MACF1: variants seen among roughly 807,000 people sequenced by gnomAD.
MACF1 encodes microtubule actin crosslinking factor 1, also known as microtubule-actin cross-linking factor 1.
In MACF1, 193 loss-of-function variants were observed where a neutral mutation model predicts 854.8. That is an observed-to-expected ratio of 0.23 (90% CI 0.20 to 0.25). The LOEUF is 0.25. Ranked by LOEUF, MACF1 falls within the 10% of genes least tolerant of loss-of-function variation. The pLI is 1.00. For missense variants in MACF1, 7,722 were observed against 8,929.1 expected, an observed-to-expected ratio of 0.86 and a Z score of 5.45; for synonymous variants, 3,185 against 3,226.7, an observed-to-expected ratio of 0.99 and a Z score of 0.44.
At chr1:39,244,083 G>A (rs1644954185) in intron 2 of MACF1, among the ~76,000 whole-genome samples, 1 of 151,786 alleles carries the variant, frequency 6.6e-6, no homozygotes, top group African/African-American at 2.4e-5. Context: ...CTCTTTGATA[G>A]TTTTATTTAT....
intron 47 of MACF1, among the ~76,000 whole-genome samples, chr1:39,360,013 ATATATATATATATATATATAT>A (rs1370328089): frequency 4.8e-4 from 10 of 20,954 alleles, no homozygotes; most frequent in South Asian, 2.2e-3. Context: ...AAAAAAAAAA[ATATATATATATATATATATAT>A]ATATATATAT....
chr1:39,472,079 T>G (rs1015214924), intron 97 of MACF1, among the ~76,000 whole-genome samples: 1 of 152,160 alleles, frequency 6.6e-6, no homozygotes, highest in Non-Finnish European at 1.5e-5. Context: ...TGAACTGAAC[T>G]TGAGGTGGCT....
At chr1:39,294,413 C>G (rs550168617) in intron 18 of MACF1, among the ~76,000 whole-genome samples, 2 of 152,188 alleles carry the variant, frequency 1.3e-5, no homozygotes, top group African/African-American at 4.8e-5. Flanking sequence ...CAGTTTAATT[C>G]TATTGATTTA....
intron 97 of MACF1, among the ~76,000 whole-genome samples, chr1:39,472,489 T>C (rs1406391707): frequency 6.6e-6 from 1 of 152,254 alleles, no homozygotes; most frequent in South Asian, 2.1e-4. Flanking sequence ...AACACCTTTT[T>C]TAATTCTTAA....
intron 6 of MACF1, among the ~76,000 whole-genome samples, chr1:39,262,861 G>C (rs534746140): frequency 1.3e-5 from 2 of 152,072 alleles, no homozygotes; most frequent in Non-Finnish European, 2.9e-5. Flanking sequence ...TTTCTTTGCC[G>C]TTCTGAGGGC....
chr1:39,411,692 G>A, intron 58 of MACF1: 1 of 1,613,914 alleles, frequency 6.2e-7, no homozygotes, highest in Non-Finnish European at 8.5e-7. Context: ...GAGTGTTTAT[G>A]TGAAGAAGGA....
intron 58 of MACF1, among the ~76,000 whole-genome samples, chr1:39,399,251 A>G (rs559674550): frequency 2.0e-5 from 3 of 151,522 alleles, no homozygotes; most frequent in Non-Finnish European, 2.9e-5. Context: ...GATCCCCACT[A>G]TCTTTCCAGT....
chr1:39,193,505 T>G (rs933275940), intron 2 of MACF1, among the ~76,000 whole-genome samples: 3 of 152,230 alleles, frequency 2.0e-5, no homozygotes, highest in Non-Finnish European at 4.4e-5. Flanking sequence ...GGAGGTCTCT[T>G]GTGTGGTAAT....
rs868651841 is a variant in MACF1 at position 39,341,056 on chromosome 1, C to T, written c.10581+103C>T. On this transcript the variant is annotated intron_variant, in intron 40 of 100. Coordinates refer to ENST00000564288, the MANE Select transcript of MACF1 (RefSeq NM_001394062.1). ...TTATCTTTTTTTTTTTTTTTTGAGA[C>T]GGAGTCTTGCTCTGTCACCCAAGCT... 104 of 974,244 alleles carry T rather than the reference C, an allele frequency of 1.1e-4. 1 individual carries two copies. Among genetic ancestry groups the T allele is most frequent in the Middle Eastern group, 6.2e-4 (2 of 3,236 alleles). 60.3% of individuals were successfully genotyped at this position (974,244 alleles called of 1,614,324 possible).
intron 6 of MACF1, among the ~76,000 whole-genome samples, chr1:39,276,875 A>C (rs1645447719): frequency 6.6e-6 from 1 of 152,190 alleles, no homozygotes; most frequent in South Asian, 2.1e-4. Flanking sequence ...TAGTCAGTTC[A>C]TGAAAAAGGG....
chr1:39,477,075 A>ATATACACTTATTG (rs1557675014), intron 97 of MACF1, among the ~76,000 whole-genome samples: 1 of 51,308 alleles, frequency 1.9e-5, no homozygotes, highest in African/African-American at 1.1e-4. Flanking sequence ...ATATATATAT[A>ATATACACTTATTG]TATATATATA....
rs370247443 is a variant in MACF1 at position 39,354,782 on chromosome 1, C to T, written c.11424+1551C>T. Among the ~76,000 whole-genome samples the T allele has an allele frequency of 1.6e-4, 24 of 152,274 alleles. No individual in the cohort carries two copies. In the East Asian group the frequency reaches 3.7e-3, roughly 23 times the overall value. On this transcript the variant is annotated intron_variant, in intron 44 of 100. Coordinates refer to ENST00000564288, the MANE Select transcript of MACF1 (RefSeq NM_001394062.1). Reference sequence around the variant, plus strand: ...GCCCTCTAGATGCTAGGCTTGAAAACGCACACTGTTTCTTACAGGCTGCCT... The same window carrying T: ...GCCCTCTAGATGCTAGGCTTGAAAATGCACACTGTTTCTTACAGGCTGCCT...
At chr1:39,182,877 C>T (rs985778243) in intron 2 of MACF1, among the ~76,000 whole-genome samples, 4 of 152,128 alleles carry the variant, frequency 2.6e-5, no homozygotes, top group African/African-American at 7.2e-5. Flanking sequence ...ATATAGAAAA[C>T]ATATATTCAT....
intron 5 of MACF1, among the ~76,000 whole-genome samples, chr1:39,255,021 C>T (rs1645081911): frequency 6.6e-6 from 1 of 151,746 alleles, no homozygotes; most frequent in Non-Finnish European, 1.5e-5. Flanking sequence ...AACGTTTCAC[C>T]GAGAAGATAC....
intron 58 of MACF1, among the ~76,000 whole-genome samples, 180 bp downstream of exon 58, chr1:39,388,838 G>C (rs570199982): frequency 3.9e-4 from 56 of 145,146 alleles, no homozygotes; most frequent in African/African-American, 1.4e-3. Context: ...AAACTGGTTT[G>C]AGCATTTTTC....
chr1:39,338,671 A>G lies in MACF1; in HGVS notation c.10215+1340A>G, dbSNP rs943826158. Among the ~76,000 whole-genome samples the G allele has an allele frequency of 2.0e-5, 3 of 152,202 alleles. No individual in the cohort carries two copies. The East Asian group carries it at 5.8e-4, about 29-fold the overall frequency. Reference sequence around the variant, plus strand: ...ACTAGGGAGAGCAGCCATTTATTGAAGGTAAATATTCCATACAGAAATCAG... The same window carrying G: ...ACTAGGGAGAGCAGCCATTTATTGAGGGTAAATATTCCATACAGAAATCAG... On this transcript the variant is annotated intron_variant, in intron 38 of 100. Transcript: ENST00000564288.
intron 97 of MACF1, among the ~76,000 whole-genome samples, chr1:39,478,305 G>A (rs1355495260): frequency 6.6e-6 from 1 of 152,060 alleles, no homozygotes. Flanking sequence ...GCCCGGCCAA[G>A]GGTCATGTAT....
chr1:39,459,785 T>C lies in MACF1; in HGVS notation c.21360+536T>C. 3 of 1,294,380 alleles carry C rather than the reference T, an allele frequency of 2.3e-6. No individual in the cohort carries two copies. In the South Asian group the frequency reaches 3.7e-5, roughly 16 times the overall value. The allele number at this position is 1,294,380 out of a possible 1,614,324, so 80.2% of individuals were successfully genotyped here. On this transcript the variant is annotated intron_variant, in intron 91 of 100. Transcript: ENST00000564288. ...TAGTTTCTAAAACAAGCCTCTAATA[T>C]CTTTTGTATTTTTTTATTTGTGCAT...
intron 6 of MACF1, among the ~76,000 whole-genome samples, chr1:39,267,494 G>T (rs1412518961): frequency 6.6e-6 from 1 of 152,200 alleles, no homozygotes; most frequent in Non-Finnish European, 1.5e-5. Context: ...GCCTTCTAGA[G>T]TACTAGGATT....
Sources: allele counts gnomAD v4.1 joint callset (sites outside exome capture counted in the v4.1 genomes callset), GRCh38; gene constraint gnomAD v4.1.1; transcripts MANE v1.5; gene names NCBI Gene and HGNC (gene_info 2026-07-23, HGNC 2026-07-21).